Variants in CCR6 observed in about 807,000 individuals in gnomAD.
CCR6 encodes the protein C-C chemokine receptor type 6.
A neutral mutation model predicts 3.0 loss-of-function variants in CCR6; 2 were observed. The observed-to-expected ratio is 0.66, with a 90% confidence interval of 0.27 to 2.07. CCR6 has a LOEUF of 2.07. Among genes scored for constraint, CCR6 ranks in the 30% most tolerant of loss-of-function variants. The pLI is 0.14. For missense variants in CCR6, 322 were observed against 462.8 expected, an observed-to-expected ratio of 0.70 and a Z score of 2.79; for synonymous variants, 193 against 184.3, an observed-to-expected ratio of 1.05 and a Z score of -0.38.
At chr6:167,122,094 G>T (rs17860843), upstream of CCR6, among the ~76,000 whole-genome samples, 2,950 of 152,258 alleles carry the variant, frequency 0.019, 55 homozygotes, top group Non-Finnish European at 0.029. This position sits in a 1 kb window ranked among gnomAD's most constrained non-coding sequence, Gnocchi z 4.2. Flanking sequence ...GCAGGAAGGA[G>T]CGACCCAGGT....
Position 167,137,566 on chromosome 6 carries a change from G to A in CCR6, c.*211G>A, listed in dbSNP as rs1305495272. 1 of 529,160 alleles carries A rather than the reference G, an allele frequency of 1.9e-6. No homozygotes were observed. Among genetic ancestry groups the A allele is most frequent in the African/African-American group, 1.9e-5 (1 of 52,822 alleles). 32.8% of individuals were successfully genotyped at this position (529,160 alleles called of 1,614,324 possible). ...GTAGCATTTTCCAGCACTTTGCAAG[G>A]AATGTTTTGTAGCTCTAGGGTATAT... is the stretch of plus-strand genomic sequence containing the variant. On this transcript the variant is annotated 3_prime_UTR_variant, in exon 3 of 3. Transcript: ENST00000341935. The surrounding 1 kb of genome is among the most constrained non-coding windows in gnomAD (Gnocchi z 4.6).
In CCR6 at chr6:167,137,310, C is replaced by G; in HGVS notation, c.1080C>G (p.Thr360=). 6.2e-7 allele frequency: 1 copy of G among 1,613,850 alleles called. No individual in the cohort carries two copies. The highest frequency in any genetic ancestry group is 8.5e-7 in the Non-Finnish European group (1 of 1,180,004). The change falls in exon 3 of 3, where the codon ACC becomes ACG. Residue 360 remains threonine, a synonymous_variant. Coordinates refer to ENST00000341935, the MANE Select transcript of CCR6 (RefSeq NM_031409.4). The surrounding 1 kb of genome is among the most constrained non-coding windows in gnomAD (Gnocchi z 4.6). The part of the protein sequence containing the change: ...GRYSENISRQ[T]SETADNDNAS... Reference sequence around the variant, plus strand: ...ACTCAGAAAACATTTCTCGGCAGACCAGTGAGACCGCAGATAACGACAATG... The same window carrying G: ...ACTCAGAAAACATTTCTCGGCAGACGAGTGAGACCGCAGATAACGACAATG...
chr6:167,111,940 C>G (rs556777511), exon 1 of CCR6: 1 of 152,378 alleles, frequency 6.6e-6, no homozygotes, highest in East Asian at 1.9e-4. Context: ...GAAATGTCAA[C>G]CTTTTCAAAG....
At chr6:167,127,512 C>G (rs971348444) in intron 1 of CCR6, among the ~76,000 whole-genome samples, 1 of 152,182 alleles carries the variant, frequency 6.6e-6, no homozygotes, top group African/African-American at 2.4e-5. Context: ...CTTTTAGATG[C>G]TGGATGCATG....
At chr6:167,119,609 T>C (rs970848724), upstream of CCR6, among the ~76,000 whole-genome samples, 2 of 152,218 alleles carry the variant, frequency 1.3e-5, no homozygotes, top group Non-Finnish European at 2.9e-5. Flanking sequence ...CCAAATGTAT[T>C]AGCATATACA....
intron 1 of CCR6, among the ~76,000 whole-genome samples, chr6:167,128,955 G>A (rs569582423): frequency 6.6e-6 from 1 of 152,300 alleles, no homozygotes; most frequent in East Asian, 1.9e-4. Flanking sequence ...GCTTGATTCT[G>A]TCCAGAATAT....
chr6:167,133,621 T>C (rs1471004824), intron 1 of CCR6, among the ~76,000 whole-genome samples: 1 of 151,712 alleles, frequency 6.6e-6, no homozygotes, highest in Non-Finnish European at 1.5e-5. Flanking sequence ...GGAATTGACT[T>C]GTCAATTTCT....
At chr6:167,112,330 G>T (rs1781428170) in intron 1 of CCR6, among the ~76,000 whole-genome samples, 1 of 152,174 alleles carries the variant, frequency 6.6e-6, no homozygotes, top group African/African-American at 2.4e-5. Context: ...CACACAGCCA[G>T]AAGATGGCCA....
intron 1 of CCR6, among the ~76,000 whole-genome samples, chr6:167,116,325 C>T (rs1308626155): frequency 6.6e-6 from 1 of 152,222 alleles, no homozygotes; most frequent in African/African-American, 2.4e-5. Flanking sequence ...TCCCCGCCCT[C>T]GCTCCCTCTT....
chr6:167,128,134 A>G (rs1476654058), intron 1 of CCR6, among the ~76,000 whole-genome samples: 4 of 152,254 alleles, frequency 2.6e-5, no homozygotes, highest in Non-Finnish European at 5.9e-5. Context: ...AGTGGGTCCA[A>G]CTAGATAATC....
intron 1 of CCR6, among the ~76,000 whole-genome samples, chr6:167,133,124 C>T (rs1392475279): frequency 2.6e-5 from 4 of 152,132 alleles, no homozygotes; most frequent in Non-Finnish European, 5.9e-5. Flanking sequence ...ACATTTTGTA[C>T]AATCAAGTAC....
chr6:167,119,998 T>C (rs1027210187), upstream of CCR6, among the ~76,000 whole-genome samples: 1 of 152,246 alleles, frequency 6.6e-6, no homozygotes, highest in African/African-American at 2.4e-5. Flanking sequence ...TTAATTTGTT[T>C]TGTTTTTTAA....
intron 1 of CCR6, chr6:167,135,045 C>T (rs1781829033): frequency 6.6e-6 from 1 of 152,356 alleles, no homozygotes; most frequent in African/African-American, 2.4e-5. Context: ...TGCACCGCCA[C>T]TGCTGGCGTT....
At chr6:167,132,507 T>C (rs1781784148) in intron 1 of CCR6, among the ~76,000 whole-genome samples, 1 of 151,990 alleles carries the variant, frequency 6.6e-6, no homozygotes, top group South Asian at 2.1e-4. Context: ...GTCCTTCCAG[T>C]GGGATCTCTG....
At chr6:167,130,992 C>CCCCTCACTCCGGGACT (rs1562559675) in intron 1 of CCR6, among the ~76,000 whole-genome samples, 1 of 118,208 alleles carries the variant, frequency 8.5e-6, no homozygotes, top group African/African-American at 3.6e-5. Flanking sequence ...CCTCTGGACC[C>CCCCTCACTCCGGGACT]CCTCCCTTTG....
chr6:167,129,972 C>T (rs1357371767), intron 1 of CCR6, among the ~76,000 whole-genome samples: 1 of 151,770 alleles, frequency 6.6e-6, no homozygotes, highest in Non-Finnish European at 1.5e-5. Flanking sequence ...CTTAGAGCCC[C>T]TGAAACTCCT....
At chr6:167,111,855 C>T (rs1373804359) in exon 1 of CCR6, 1 of 152,372 alleles carries the variant, frequency 6.6e-6, no homozygotes, top group Non-Finnish European at 1.5e-5. Flanking sequence ...GAGAGCTGGG[C>T]TGGGAGCACA....
chr6:167,117,479 C>A (rs1256292410), intron 1 of CCR6, among the ~76,000 whole-genome samples: 1 of 141,176 alleles, frequency 7.1e-6, no homozygotes, highest in African/African-American at 2.7e-5. Flanking sequence ...CGCAGTGGCA[C>A]GATCTCGACT....
intron 1 of CCR6, among the ~76,000 whole-genome samples, chr6:167,124,068 C>T (rs1487657989): frequency 2.0e-5 from 3 of 152,272 alleles, no homozygotes; most frequent in South Asian, 2.1e-4. Flanking sequence ...GCCGAGATCA[C>T]GCTACTGCAC....
Sources: gnomAD v4.1 joint callset for allele counts (sites outside exome capture counted in the v4.1 genomes callset) on GRCh38, gnomAD v4.1.1 for gene constraint, Gnocchi (gnomAD v3.1) non-coding constraint, MANE v1.5 for transcripts, NCBI Gene and HGNC (gene_info 2026-07-23, HGNC 2026-07-21) for gene names.